The following HOXA3 variants were observed in gnomAD, a reference collection of about 807,000 sequenced individuals.
HOXA3 encodes homeobox A3, also known as homeobox protein Hox-A3.
HOXA3 carries 8 observed loss-of-function variants against 30.3 expected under a neutral mutation model. The ratio of observed to expected loss-of-function variants is 0.26; its 90% confidence interval spans 0.15 to 0.48. HOXA3 has a LOEUF of 0.48. HOXA3 is among the 20% of genes least tolerant of loss of function. The pLI is 0.99. For synonymous variants in HOXA3, 323 were observed against 273.1 expected (o/e 1.18, Z -1.80); for missense variants, 653 against 614.4 (o/e 1.06, Z -0.66).
At chr7:27,145,472 G>C in intron 1 of HOXA3, 1 of 746,396 alleles carries the variant, frequency 1.3e-6, no homozygotes. Context: ...GTTTTGTTTT[G>C]TTTTGTTTTG....
chr7:27,146,239 GTGTGTGTGTGTT>G (rs1782761857), intron 1 of HOXA3, among the ~76,000 whole-genome samples: 1 of 99,870 alleles, frequency 1.0e-5, no homozygotes, highest in African/African-American at 3.7e-5. Flanking sequence ...GATGCAGGGT[GTGTGTGTGTGTT>G]TGTGTGTGTG....
At chr7:27,141,870 T>G in intron 1 of HOXA3, 1 of 1,614,226 alleles carries the variant, frequency 6.2e-7, no homozygotes, top group Non-Finnish European at 8.5e-7. Context: ...GCGGCCATGC[T>G]CATGCTTTTC....
Position 27,108,974 on chromosome 7 carries a change from T to C in HOXA3, c.527-254A>G, listed in dbSNP as rs987658293. On this transcript the variant is annotated intron_variant, in intron 5 of 5. Coordinates refer to ENST00000612286, the MANE Select transcript of HOXA3 (RefSeq NM_153631.3). The surrounding 1 kb of genome is among the most constrained non-coding windows in gnomAD (Gnocchi z 5.0). ...AAGTAGAACCCCCGGTTTGCCTTCCTGGTCTGGATTTTCTGTTTAGAGCTA... is the reference window on the plus strand; with the variant it reads ...AAGTAGAACCCCCGGTTTGCCTTCCCGGTCTGGATTTTCTGTTTAGAGCTA... 6.6e-6 allele frequency among the ~76,000 whole-genome samples: 1 copy of C among 152,194 alleles called. No individual in the cohort carries two copies. Among genetic ancestry groups the C allele is most frequent in the Non-Finnish European group, 1.5e-5 (1 of 68,026 alleles).
At chr7:27,118,388 G>A (rs553315079) in intron 4 of HOXA3, among the ~76,000 whole-genome samples, 23 of 152,222 alleles carry the variant, frequency 1.5e-4, no homozygotes, top group South Asian at 1.0e-3. Context: ...ACAATAATGC[G>A]CTGTATTATG....
In HOXA3 at chr7:27,108,423, C is replaced by T. The variant is rs138670627; in HGVS notation, c.824G>A (p.Gly275Asp). Residue 275 changes from glycine to aspartate, a missense_variant, in exon 6 of 6, where the codon GGC (glycine) becomes GAC (aspartate). Coordinates refer to ENST00000612286, the MANE Select transcript of HOXA3 (RefSeq NM_153631.3). The surrounding 1 kb of genome is among the most constrained non-coding windows in gnomAD (Gnocchi z 5.0). ...CAGCGAATGCATAGAGTTCAGATAG[C>T]CACCGGCTCCGGGGGGCACGGGGCT... ...SRSPVPPGAG[G>D]YLNSMHSLVN... 40 of 1,613,124 alleles carry T rather than the reference C, an allele frequency of 2.5e-5. No individual in the cohort carries two copies. The African/African-American group carries it at 5.2e-4, about 21-fold the overall frequency.
chr7:27,138,131 G>A (rs1785769355), intron 2 of HOXA3, among the ~76,000 whole-genome samples: 1 of 152,194 alleles, frequency 6.6e-6, no homozygotes, highest in Non-Finnish European at 1.5e-5. Context: ...CCATACCCAT[G>A]TAGAGTTTAT....
At chr7:27,119,987 G>C (rs983008374) in intron 4 of HOXA3, among the ~76,000 whole-genome samples, 2 of 152,072 alleles carry the variant, frequency 1.3e-5, no homozygotes, top group African/African-American at 4.8e-5. Flanking sequence ...AGGTTTGGGG[G>C]ATAGAGGACA....
chr7:27,110,373 G>A lies in HOXA3; in HGVS notation c.268C>T (p.Leu90=), dbSNP rs769654378. ...GCGGCCTGGGGCGGCGGCGGGTGCA[G>A]GGGCGGCTCTCCCAGGCTTGGAGGC... ...SQPPSLGEPP[L]HPPPPQAAPP... The change falls in exon 5 of 6, where the codon CTG becomes TTG. Residue 90 remains leucine, a synonymous_variant. Transcript: ENST00000612286. 2.0e-6 allele frequency: 3 copies of A among 1,516,666 alleles called. No homozygotes were observed. The highest frequency in any genetic ancestry group is 1.4e-5 in the African/African-American group (1 of 72,970). The allele number at this position is 1,516,666 out of a possible 1,614,324, so 94.0% of individuals were successfully genotyped here.
chr7:27,139,335 C>T (rs1215482496), intron 2 of HOXA3, among the ~76,000 whole-genome samples: 2 of 152,068 alleles, frequency 1.3e-5, no homozygotes, highest in African/African-American at 4.8e-5. Flanking sequence ...TCCTGAACAC[C>T]CCCCCACACC....
At chr7:27,110,044 G>C (rs1784272111) in intron 5 of HOXA3, 71 bp downstream of exon 5, 1 of 1,562,848 alleles carries the variant, frequency 6.4e-7, no homozygotes. Flanking sequence ...GGCTGTGCTG[G>C]ATGTCGTGGG....
At chr7:27,147,398 C>T (rs771813425) in intron 1 of HOXA3, 10 of 1,614,186 alleles carry the variant, frequency 6.2e-6, no homozygotes, top group Middle Eastern at 3.3e-4. Flanking sequence ...TTGCCCTGCC[C>T]GCTGCTGCTG....
At chr7:27,143,040 C>T in intron 1 of HOXA3, 1 of 1,504,142 alleles carries the variant, frequency 6.6e-7, no homozygotes, top group Non-Finnish European at 8.8e-7. Flanking sequence ...AAAAGGCTGG[C>T]TTTACCATGA....
Position 27,152,492 on chromosome 7 carries a change from C to T in HOXA3, c.-698G>A. Reference sequence around the variant, plus strand: ...CCAGGCCTGGCCTGGCCGGGGCTTCCCTTCGCTCGCCATCTCCGGACAAAG... The same window carrying T: ...CCAGGCCTGGCCTGGCCGGGGCTTCTCTTCGCTCGCCATCTCCGGACAAAG... On this transcript the variant is annotated 5_prime_UTR_variant, in exon 1 of 6. Coordinates refer to ENST00000612286, the MANE Select transcript of HOXA3 (RefSeq NM_153631.3). 1 of 1,152,188 alleles carries T rather than the reference C, an allele frequency of 8.7e-7. No individual in the cohort carries two copies. Among genetic ancestry groups the T allele is most frequent in the Non-Finnish European group, 1.1e-6 (1 of 920,192 alleles). 71.4% of individuals were successfully genotyped at this position (1,152,188 alleles called of 1,614,324 possible).
intron 2 of HOXA3, 50 bp downstream of exon 2, chr7:27,140,033 A>AGAGAGAGAGAGAGAGAGAGAGAGAG (rs1281735462): frequency 4.9e-4 from 58 of 118,840 alleles, no homozygotes; most frequent in African/African-American, 1.3e-3. Context: ...GAGAGAGAGA[A>AGAGAGAGAGAGAGAGAGAGAGAGAG]AGTTTCCAAA....
chr7:27,110,027 G>T (rs1024377267), intron 5 of HOXA3, 88 bp downstream of exon 5: 4 of 1,490,324 alleles, frequency 2.7e-6, no homozygotes, highest in Middle Eastern at 1.8e-4. Flanking sequence ...ATGCTCCATC[G>T]CTCCTAGGCT....
intron 1 of HOXA3, among the ~76,000 whole-genome samples, chr7:27,151,836 T>C (rs1192172092): frequency 6.6e-6 from 1 of 152,188 alleles, no homozygotes; most frequent in Non-Finnish European, 1.5e-5. Context: ...TCTCCTCTTG[T>C]TGGGGAATCC....
intron 3 of HOXA3, among the ~76,000 whole-genome samples, chr7:27,124,889 G>C (rs1437663063): frequency 6.6e-6 from 1 of 152,152 alleles, no homozygotes. Context: ...TAGTCATCCT[G>C]GGATTATGAC....
At chr7:27,144,355 G>C (rs1230204610) in intron 1 of HOXA3, among the ~76,000 whole-genome samples, 5 of 152,212 alleles carry the variant, frequency 3.3e-5, no homozygotes, top group Admixed American at 3.3e-4. Context: ...TGTCCCTGCC[G>C]CTCTTAAATG....
At chr7:27,124,702 G>A (rs1036195558) in intron 3 of HOXA3, 2 of 152,174 alleles carry the variant, frequency 1.3e-5, no homozygotes, top group African/African-American at 4.8e-5. Context: ...ATTATTTAAT[G>A]AGTCACGTGA....
Sources: gnomAD v4.1 joint callset for allele counts (sites outside exome capture counted in the v4.1 genomes callset) on GRCh38, gnomAD v4.1.1 for gene constraint, Gnocchi (gnomAD v3.1) non-coding constraint, MANE v1.5 for transcripts, NCBI Gene and HGNC (gene_info 2026-07-23, HGNC 2026-07-21) for gene names.